TENM1: variants seen among roughly 807,000 people sequenced by gnomAD.
The protein encoded by TENM1 is teneurin-1.
TENM1 carries 35 observed loss-of-function variants against 174.8 expected under a neutral mutation model. That is an observed-to-expected ratio of 0.20 (90% CI 0.15 to 0.27). The LOEUF is 0.27. Ranked by LOEUF, TENM1 falls within the 10% of genes least tolerant of loss-of-function variation. The probability of loss-of-function intolerance (pLI) is 1.00; values close to 1 mark genes in which losing one functional copy is unlikely to be tolerated. For missense variants in TENM1, 1,633 were observed against 2,130.1 expected, an observed-to-expected ratio of 0.77 and a Z score of 4.59; for synonymous variants, 781 against 798.7, an observed-to-expected ratio of 0.98 and a Z score of 0.37.
At chrX:124,710,770 T>G (rs1434019840) in intron 4 of TENM1, among the ~76,000 whole-genome samples, 1 of 112,305 alleles carries the variant, frequency 8.9e-6, no homozygotes, top group African/African-American at 3.2e-5. Context: ...AAACTCAGAT[T>G]AAGATTCTAT....
At chrX:124,714,001 T>C (rs2053122671) in intron 4 of TENM1, among the ~76,000 whole-genome samples, 1 of 112,402 alleles carries the variant, frequency 8.9e-6, no homozygotes, top group African/African-American at 3.2e-5. Flanking sequence ...ATAATTATAC[T>C]AATAATTTAA....
chrX:124,472,008 A>G (rs1248646661), intron 22 of TENM1, among the ~76,000 whole-genome samples: 1 of 107,753 alleles, frequency 9.3e-6, no homozygotes, highest in African/African-American at 3.4e-5. Flanking sequence ...TTAAAAAACA[A>G]TAATAAATCT....
the TENM1 span, among the ~76,000 whole-genome samples, chrX:124,989,467 C>A: frequency 1.8e-5 from 2 of 110,910 alleles, no homozygotes; most frequent in Admixed American, 1.9e-4. Flanking sequence ...CCCAAATTGC[C>A]ATCCTAATAA....
At chrX:124,807,112 T>C (rs2055620443) in intron 3 of TENM1, among the ~76,000 whole-genome samples, 1 of 110,033 alleles carries the variant, frequency 9.1e-6, no homozygotes, top group South Asian at 3.8e-4. Context: ...TTTTAAACAA[T>C]CAGATCTTAC....
At chrX:124,427,021 A>C (rs758424210) in intron 23 of TENM1, among the ~76,000 whole-genome samples, 14 of 111,767 alleles carry the variant, frequency 1.3e-4, no homozygotes, top group Non-Finnish European at 2.6e-4. Flanking sequence ...GTCTGTGTGC[A>C]CTGGTCCTAC....
the TENM1 span, among the ~76,000 whole-genome samples, chrX:125,022,278 A>C: frequency 8.9e-6 from 1 of 112,134 alleles, no homozygotes; most frequent in East Asian, 2.8e-4. Flanking sequence ...TTTAAGAGAA[A>C]TATAACCTGA....
the TENM1 span, among the ~76,000 whole-genome samples, chrX:125,088,604 C>T: frequency 9.2e-6 from 1 of 109,125 alleles, no homozygotes; most frequent in African/African-American, 3.3e-5. Flanking sequence ...AAAGAAGTAA[C>T]AAAAAGGTGA....
chrX:124,565,320 T>C (rs780536629), intron 12 of TENM1, 55 bp downstream of exon 15: 567 of 972,913 alleles, frequency 5.8e-4, no homozygotes, highest in Non-Finnish European at 6.6e-4. Flanking sequence ...CTCACTAGAC[T>C]GCTCTTAACT....
chrX:124,753,678 A>C (rs1182633152), intron 3 of TENM1, among the ~76,000 whole-genome samples: 4 of 111,353 alleles, frequency 3.6e-5, no homozygotes, highest in Non-Finnish European at 7.5e-5. Flanking sequence ...TACCTAATTT[A>C]TTGAGAATTT....
intron 1 of TENM1, among the ~76,000 whole-genome samples, chrX:124,925,050 C>G (rs1022818018): frequency 5.5e-5 from 6 of 109,870 alleles, no homozygotes; most frequent in African/African-American, 2.0e-4. Flanking sequence ...CACTCTGAGT[C>G]TAGCAGAGAT....
In TENM1 at chrX:124,406,437, T is replaced by A. The variant is rs769232957; in HGVS notation, c.5035A>T (p.Ser1679Cys). The A allele has an allele frequency of 3.3e-6, 4 of 1,207,470 alleles. No individual in the cohort carries two copies. The East Asian group carries it at 1.2e-4, about 36-fold the overall frequency. ...TTCTCCAGGTCACTGTGGAAGCTGC[T>A]GACCTCTCCAGTGGGAAACGTTGCA... The change falls in exon 26 of 32, where the codon AGC becomes TGC. Residue 1679 changes from serine (S) to cysteine (C), a missense_variant. By Grantham distance (112) the Ser-to-Cys change is moderately radical. This residue lies in a region of TENM1 where 807 missense variants were observed against 1,125.3 expected (regional missense o/e 0.72). Coordinates refer to ENST00000422452, the Ensembl canonical transcript of TENM1.
intron 22 of TENM1, among the ~76,000 whole-genome samples, chrX:124,460,069 CA>C (rs1302897562): frequency 3.6e-5 from 4 of 111,284 alleles, no homozygotes; most frequent in South Asian, 3.8e-4. Context: ...TATTAAAAGT[CA>C]AAAAATAACA....
chrX:124,514,957 A>T (rs996155870), intron 18 of TENM1, among the ~76,000 whole-genome samples: 2 of 110,899 alleles, frequency 1.8e-5, no homozygotes, highest in Admixed American at 1.9e-4. Context: ...TAAAAAAAAA[A>T]TTTGCAAACT....
At chrX:124,905,516 C>T (rs1302835090) in intron 1 of TENM1, among the ~76,000 whole-genome samples, 1 of 111,464 alleles carries the variant, frequency 9.0e-6, no homozygotes, top group African/African-American at 3.3e-5. Context: ...GAAAGCCACA[C>T]AAAATGTATG....
the TENM1 span, among the ~76,000 whole-genome samples, chrX:125,194,978 G>A: frequency 6.2e-5 from 7 of 112,121 alleles, no homozygotes; most frequent in African/African-American, 1.3e-4. Context: ...TTATATGACC[G>A]GAGTATGCTT....
chrX:124,382,986 C>T (rs917897993), intron 30 of TENM1, among the ~76,000 whole-genome samples, 174 bp from the exon 34 acceptor site: 4 of 103,607 alleles, frequency 3.9e-5, no homozygotes, highest in African/African-American at 1.4e-4. Context: ...GACATAGTCT[C>T]ACTCTGTTGC....
chrX:124,393,334 A>C (rs979004532), intron 27 of TENM1, among the ~76,000 whole-genome samples: 4 of 111,322 alleles, frequency 3.6e-5, no homozygotes, highest in Admixed American at 2.9e-4. Context: ...TGTTTGCTAG[A>C]TCTACCAGTA....
At chrX:124,927,167 G>C (rs1001546860) in intron 1 of TENM1, among the ~76,000 whole-genome samples, 1 of 111,730 alleles carries the variant, frequency 9.0e-6, no homozygotes, top group Non-Finnish European at 1.9e-5. Flanking sequence ...TCATTTTAAA[G>C]AGATATCAGA....
At chrX:125,121,189 C>T in the TENM1 span, among the ~76,000 whole-genome samples, 103 of 111,732 alleles carry the variant, frequency 9.2e-4, no homozygotes, top group Non-Finnish European at 1.3e-3. Context: ...CAAACATCCT[C>T]ATTCTTATCT....
Sources: allele counts gnomAD v4.1 joint callset (sites outside exome capture counted in the v4.1 genomes callset), GRCh38; gene constraint gnomAD v4.1.1; regional missense constraint gnomAD v4.1.1; transcripts MANE v1.5; gene names NCBI Gene and HGNC (gene_info 2026-07-23, HGNC 2026-07-21).